DENND2B: variants seen among roughly 807,000 people sequenced by gnomAD.
DENND2B encodes DENN domain containing 2B.
DENND2B carries 32 observed loss-of-function variants against 116.0 expected under a neutral mutation model. The observed-to-expected ratio is 0.28, with a 90% CI of 0.21 to 0.37. The LOEUF (loss-of-function observed/expected upper bound fraction) is 0.37. DENND2B is among the 10% of genes least tolerant of loss of function. The pLI is 1.00. For missense variants in DENND2B, 1,276 were observed against 1,477.7 expected, an observed-to-expected ratio of 0.86 and a Z score of 2.24; for synonymous variants, 588 against 583.9, an observed-to-expected ratio of 1.01 and a Z score of -0.10.
chr11:8,766,410 A>G (rs963424743), intron 1 of DENND2B, among the ~76,000 whole-genome samples: 1 of 152,096 alleles, frequency 6.6e-6, no homozygotes, highest in Non-Finnish European at 1.5e-5. Flanking sequence ...CCTCCCTGAA[A>G]AGCTCTATTC....
At chr11:8,835,769 A>AGGT (rs2062395828) in intron 4 of DENND2B, 2 of 152,226 alleles carry the variant, frequency 1.3e-5, no homozygotes, top group Non-Finnish European at 2.9e-5. Context: ...GGGGGAAAAT[A>AGGT]CCAAATGCCA....
At chr11:8,813,622 T>C (rs2061470389), upstream of DENND2B, among the ~76,000 whole-genome samples, 1 of 152,168 alleles carries the variant, frequency 6.6e-6, no homozygotes, top group Non-Finnish European at 1.5e-5. Context: ...GTTGAGCACC[T>C]ACCATATGCC....
At chr11:8,714,589 A>G in intron 7 of DENND2B, 21 bp downstream of exon 7, 1 of 1,607,012 alleles carries the variant, frequency 6.2e-7, no homozygotes, top group South Asian at 1.1e-5. Context: ...CAGCTGAACC[A>G]GCTCTGGCAC....
chr11:8,829,717 G>A (rs2062129289), intron 4 of DENND2B, among the ~76,000 whole-genome samples: 1 of 152,046 alleles, frequency 6.6e-6, no homozygotes, highest in African/African-American at 2.4e-5. Context: ...GTCTTAGGAG[G>A]GAGAGGCCTA....
intron 5 of DENND2B, 37 bp from the exon 6 acceptor site, chr11:8,715,855 C>T: frequency 6.4e-7 from 1 of 1,553,742 alleles, no homozygotes; most frequent in Non-Finnish European, 8.7e-7. Flanking sequence ...AGGGGCTTGC[C>T]ACAGAGGCCT....
intron 2 of DENND2B, among the ~76,000 whole-genome samples, chr11:8,866,315 A>G (rs2063579710): frequency 1.3e-5 from 2 of 152,220 alleles, no homozygotes; most frequent in Admixed American, 1.3e-4. Flanking sequence ...TCACCTGTTT[A>G]ATAAATTATT....
intron 3 of DENND2B, 194 bp from the exon 4 acceptor site, chr11:8,726,403 G>A: frequency 1.6e-6 from 1 of 622,268 alleles, no homozygotes; most frequent in Non-Finnish European, 2.7e-6. Context: ...CTGGGTGCCT[G>A]CAATGTGCCT....
At chr11:8,874,713 G>A (rs72851576), upstream of DENND2B, among the ~76,000 whole-genome samples, 1,363 of 151,652 alleles carry the variant, frequency 9.0e-3, 14 homozygotes, top group Non-Finnish European at 0.016. Flanking sequence ...TTGAGCTCAC[G>A]AGTTTGAGAC....
chr11:8,908,890 C>A (rs1278732938), intron 1 of DENND2B, among the ~76,000 whole-genome samples: 1 of 152,190 alleles, frequency 6.6e-6, no homozygotes, highest in Non-Finnish European at 1.5e-5. Flanking sequence ...CTAATGCTAG[C>A]TAAGTCTATG....
intron 4 of DENND2B, among the ~76,000 whole-genome samples, chr11:8,821,498 T>C (rs1279243937): frequency 6.6e-6 from 1 of 151,748 alleles, no homozygotes; most frequent in East Asian, 1.9e-4. Flanking sequence ...AGGATCACAT[T>C]AGCCTAGGAG....
At chr11:8,902,919 G>A (rs190762851) in intron 1 of DENND2B, among the ~76,000 whole-genome samples, 1 of 152,236 alleles carries the variant, frequency 6.6e-6, no homozygotes, top group African/African-American at 2.4e-5. Context: ...GATCACAGTG[G>A]TGCAATCTCG....
intron 2 of DENND2B, among the ~76,000 whole-genome samples, chr11:8,857,935 A>C (rs2063252485): frequency 6.6e-6 from 1 of 152,204 alleles, no homozygotes; most frequent in African/African-American, 2.4e-5. Context: ...TCTCCTTCAA[A>C]GTCTGCAGGT....
chr11:8,884,498 T>G (rs542069455), intron 1 of DENND2B, among the ~76,000 whole-genome samples: 2 of 152,286 alleles, frequency 1.3e-5, no homozygotes, highest in East Asian at 3.9e-4. Flanking sequence ...GATTTAGATT[T>G]CCTATTCTTT....
At chr11:8,788,950 A>G (rs896309897) in intron 1 of DENND2B, among the ~76,000 whole-genome samples, 5 of 152,228 alleles carry the variant, frequency 3.3e-5, no homozygotes, top group Non-Finnish European at 7.3e-5. Context: ...GATTCATCAC[A>G]AATGGATCCA....
At chr11:8,721,720 T>C (rs753887568) in intron 4 of DENND2B, among the ~76,000 whole-genome samples, 1 of 152,244 alleles carries the variant, frequency 6.6e-6, no homozygotes, top group African/African-American at 2.4e-5. Flanking sequence ...GGCTGTTTTG[T>C]TTCCCACTGC....
At chr11:8,897,091 A>AAT (rs2064111395) in intron 1 of DENND2B, among the ~76,000 whole-genome samples, 3 of 150,836 alleles carry the variant, frequency 2.0e-5, no homozygotes, top group Middle Eastern at 6.8e-3. Flanking sequence ...TACAAAAAAA[A>AAT]TTTTTTTTTT....
intron 2 of DENND2B, among the ~76,000 whole-genome samples, chr11:8,861,413 G>A (rs756782452): frequency 2.6e-5 from 4 of 152,012 alleles, no homozygotes; most frequent in East Asian, 3.9e-4. Context: ...AAATAGCCAC[G>A]AAATATATGA....
chr11:8,807,585 A>C (rs1029038175), intron 1 of DENND2B, among the ~76,000 whole-genome samples: 4 of 152,304 alleles, frequency 2.6e-5, no homozygotes, highest in Non-Finnish European at 5.9e-5. Flanking sequence ...TGAGAGAGAG[A>C]GAGCCCAAGG....
chr11:8,773,585 T>C (rs2057243366), intron 1 of DENND2B, among the ~76,000 whole-genome samples: 3 of 152,156 alleles, frequency 2.0e-5, no homozygotes, highest in Non-Finnish European at 4.4e-5. Flanking sequence ...AAGTGGGGCA[T>C]TTGACTCTGA....
Sources: allele counts gnomAD v4.1 joint callset (sites outside exome capture counted in the v4.1 genomes callset), GRCh38; gene constraint gnomAD v4.1.1; transcripts MANE v1.5; gene names NCBI Gene and HGNC (gene_info 2026-07-23, HGNC 2026-07-21).